CYFIP1: variants seen among roughly 807,000 people sequenced by gnomAD.
CYFIP1 encodes cytoplasmic FMR1-interacting protein 1.
In CYFIP1, 58 loss-of-function variants were observed where a neutral mutation model predicts 163.5. The ratio of observed to expected loss-of-function variants is 0.35; its 90% CI spans 0.29 to 0.44. The LOEUF (loss-of-function observed/expected upper bound fraction) is 0.44. Among genes scored for constraint, CYFIP1 ranks in the 20% least tolerant of loss-of-function variants. The pLI is 1.00. For synonymous variants in CYFIP1, 663 were observed against 660.7 expected (o/e 1.00, Z -0.05); for missense variants, 1,338 against 1,653.8 (o/e 0.81, Z 3.31).
At chr15:22,938,374 G>A (rs1262355420) in intron 8 of CYFIP1, among the ~76,000 whole-genome samples, 3 of 152,050 alleles carry the variant, frequency 2.0e-5, no homozygotes, top group Non-Finnish European at 2.9e-5. Context: ...GGGGGACAAG[G>A]CAAGAAGATT....
At chr15:22,880,173 G>A (rs573133182) in intron 25 of CYFIP1, 130 bp from the exon 26 acceptor site, 21 of 1,243,428 alleles carry the variant, frequency 1.7e-5, no homozygotes, top group Non-Finnish European at 3.5e-6. Flanking sequence ...CAGCCACAAC[G>A]TCCCATCCCC....
At chr15:22,907,612 GA>G (rs1392852597) in intron 21 of CYFIP1, among the ~76,000 whole-genome samples, 1 of 152,226 alleles carries the variant, frequency 6.6e-6, no homozygotes, top group African/African-American at 2.4e-5. Flanking sequence ...TCCCACAGTG[GA>G]AACGGACGTG....
chr15:22,943,556 T>G (rs17137229), intron 5 of CYFIP1, among the ~76,000 whole-genome samples: 1 of 152,236 alleles, frequency 6.6e-6, no homozygotes, highest in Non-Finnish European at 1.5e-5. Flanking sequence ...CCATCATTAC[T>G]TGACTTGCAC....
At chr15:22,935,726 T>A (rs537978464) in intron 9 of CYFIP1, among the ~76,000 whole-genome samples, 1 of 152,270 alleles carries the variant, frequency 6.6e-6, no homozygotes, top group South Asian at 2.1e-4. Context: ...TAGCTATGGT[T>A]AATAACAATG....
rs2059317013 is a variant in CYFIP1 at position 22,868,614 on chromosome 15, A to G, written c.*1414T>C. ...TTAGGGAACTTTTTATAAAGAAAGA[A>G]TAATTGTTTGTTAGGCTTCATGTCA... On this transcript the variant is annotated 3_prime_UTR_variant, in exon 31 of 31. Coordinates refer to ENST00000617928, the MANE Select transcript of CYFIP1 (RefSeq NM_014608.6). 1.4e-5 allele frequency: 2 copies of G among 142,594 alleles called. No homozygotes were observed. Among genetic ancestry groups the G allele is most frequent in the Admixed American group, 7.4e-5 (1 of 13,438 alleles). The allele number at this position is 142,594 out of a possible 1,614,324, so 8.8% of individuals were successfully genotyped here.
chr15:22,946,640 C>G, intron 3 of CYFIP1: 1 of 355,736 alleles, frequency 2.8e-6, no homozygotes, highest in Admixed American at 3.8e-5. Flanking sequence ...GACTCTGTCT[C>G]AAAAAAAAAG....
At chr15:22,977,052 A>T (rs184071277) in intron 1 of CYFIP1, among the ~76,000 whole-genome samples, 1 of 152,140 alleles carries the variant, frequency 6.6e-6, no homozygotes, top group East Asian at 1.9e-4. Flanking sequence ...ACACAAAATT[A>T]GCCAGACATG....
At chr15:22,912,453 C>T (rs920273124) in intron 17 of CYFIP1, 178 bp from the exon 18 acceptor site, 16 of 511,954 alleles carry the variant, frequency 3.1e-5, no homozygotes, top group East Asian at 2.3e-4. Context: ...CTGAGGCGGC[C>T]GCCACACCCA....
chr15:22,932,563 A>G (rs1433094103), intron 10 of CYFIP1, among the ~76,000 whole-genome samples: 1 of 152,122 alleles, frequency 6.6e-6, no homozygotes, highest in Non-Finnish European at 1.5e-5. Flanking sequence ...AGGTTTCTTG[A>G]CCCCTGAGAC....
At chr15:22,955,312 C>T (rs574510504) in intron 1 of CYFIP1, among the ~76,000 whole-genome samples, 1 of 152,332 alleles carries the variant, frequency 6.6e-6, no homozygotes, top group East Asian at 1.9e-4. Flanking sequence ...TGCCCCAGGG[C>T]CCACAGCCAC....
chr15:22,952,891 C>T lies in CYFIP1; in HGVS notation c.-6-5600G>A, dbSNP rs181498967. ...GCTTCCACAAAATTTCTCAAGTCAT[C>T]AGAGCACCGTGCGGAGTGCTGGCCA... On this transcript the variant is annotated intron_variant, in intron 1 of 30. Transcript: ENST00000617928. Among the ~76,000 whole-genome samples, 1,403 of 152,310 alleles carry T rather than the reference C, an allele frequency of 9.2e-3. 10 individuals carry two copies. Among genetic ancestry groups the T allele is most frequent in the Non-Finnish European group, 0.015 (1,018 of 68,022 alleles).
intron 11 of CYFIP1, among the ~76,000 whole-genome samples, chr15:22,928,466 C>T (rs2061429624): frequency 6.6e-6 from 1 of 152,108 alleles, no homozygotes. Flanking sequence ...GGGTGCTGGA[C>T]CCTCCTCCCG....
At position 22,945,034 on chromosome 15, in the gene CYFIP1, T is replaced by C. The variant is rs1043307863; in HGVS notation, c.208-95A>G. The C allele has an allele frequency of 1.4e-5, 16 of 1,141,680 alleles. No individual in the cohort carries two copies. The African/African-American group carries it at 2.4e-4, about 17-fold the overall frequency. The allele number at this position is 1,141,680 out of a possible 1,614,324, so 70.7% of individuals were successfully genotyped here. A position where few individuals can be genotyped will look rare whatever the true frequency, so the allele number is the denominator to read the frequency against. On this transcript the variant is annotated intron_variant, in intron 3 of 30. Coordinates refer to ENST00000617928, the MANE Select transcript of CYFIP1 (RefSeq NM_014608.6). ...AAAATCCAGACAAAGCGCCACAAAC[T>C]ATCCTAAGCACTGTGGCCTGTGTGC...
chr15:22,917,628 T>G lies in CYFIP1; in HGVS notation c.1674+160A>C. 1 of 869,742 alleles carries G rather than the reference T, an allele frequency of 1.1e-6. No homozygotes were observed. Among genetic ancestry groups the G allele is most frequent in the Non-Finnish European group, 1.7e-6 (1 of 595,530 alleles). The allele number at this position is 869,742 out of a possible 1,614,324, so 53.9% of individuals were successfully genotyped here. A position where few individuals can be genotyped will look rare whatever the true frequency, so the allele number is the denominator to read the frequency against. On this transcript the variant is annotated intron_variant, in intron 15 of 30. Coordinates refer to ENST00000617928, the MANE Select transcript of CYFIP1 (RefSeq NM_014608.6). This position sits in a 1 kb window ranked among gnomAD's most constrained non-coding sequence, Gnocchi z 4.2. ...TCCTCACGCTCCCAACTCACTTGGG[T>G]GGGAAACAGAGGAGCAGCAGAAACC...
At chr15:22,935,003 T>G (rs2038656661) in intron 9 of CYFIP1, among the ~76,000 whole-genome samples, 1 of 152,188 alleles carries the variant, frequency 6.6e-6, no homozygotes, top group Non-Finnish European at 1.5e-5. Flanking sequence ...GCTTCAAATT[T>G]TTTAAATGTC....
At chr15:22,979,969 G>A (rs1361682224) in intron 1 of CYFIP1, among the ~76,000 whole-genome samples, 15 of 152,200 alleles carry the variant, frequency 9.9e-5, no homozygotes, top group Non-Finnish European at 1.5e-5. Flanking sequence ...GGGATCCGGG[G>A]GCGCGAGGCG....
chr15:22,951,663 G>A (rs1344000322), intron 1 of CYFIP1: 6 of 785,894 alleles, frequency 7.6e-6, no homozygotes, highest in Non-Finnish European at 1.1e-5. Flanking sequence ...AAGACAGGTC[G>A]GACCGAGCAC....
intron 26 of CYFIP1, among the ~76,000 whole-genome samples, chr15:22,876,585 G>A (rs2059591093): frequency 6.6e-6 from 1 of 152,116 alleles, no homozygotes; most frequent in Non-Finnish European, 1.5e-5. Flanking sequence ...GCTCACGCCT[G>A]TAATCCCAGC....
chr15:22,932,013 C>T (rs59722874), intron 11 of CYFIP1, among the ~76,000 whole-genome samples: 2,949 of 152,302 alleles, frequency 0.019, 81 homozygotes, highest in African/African-American at 0.066. Context: ...ACAGGCTGTA[C>T]CATCCAGGCT....
Sources: gnomAD v4.1 joint callset for allele counts (sites outside exome capture counted in the v4.1 genomes callset) on GRCh38, gnomAD v4.1.1 for gene constraint, Gnocchi (gnomAD v3.1) non-coding constraint, MANE v1.5 for transcripts, NCBI Gene and HGNC (gene_info 2026-07-23, HGNC 2026-07-21) for gene names.